Variants in PFKP observed in about 807,000 individuals in gnomAD.
The protein encoded by PFKP is ATP-dependent 6-phosphofructokinase, platelet type.
PFKP carries 101 observed loss-of-function variants against 94.3 expected under a neutral mutation model. The observed-to-expected ratio is 1.07, with a 90% CI of 0.91 to 1.26. PFKP has a LOEUF of 1.26. Ranked by LOEUF, PFKP falls within the 50% of genes most tolerant of loss-of-function variation. The pLI, the probability that PFKP is intolerant of heterozygous loss-of-function variation, is 0.00. For missense variants in PFKP, 1,145 were observed against 1,103.3 expected, an observed-to-expected ratio of 1.04 and a Z score of -0.53; for synonymous variants, 573 against 432.6, an observed-to-expected ratio of 1.32 and a Z score of -4.03.
chr10:3,084,104 G>A (rs961777512), intron 2 of PFKP, among the ~76,000 whole-genome samples: 12 of 152,164 alleles, frequency 7.9e-5, no homozygotes, highest in African/African-American at 2.2e-4. Flanking sequence ...TATTCAAAGC[G>A]ATTTGATGTT....
intron 1 of PFKP, 105 bp downstream of exon 1, chr10:3,067,812 G>T (rs952766776): frequency 2.0e-6 from 1 of 499,896 alleles, no homozygotes; most frequent in Admixed American, 4.1e-5. Flanking sequence ...GGAAGCGATG[G>T]GGGGGACCCG....
At position 3,099,956 on chromosome 10, in the gene PFKP, G is replaced by A. The variant is rs1347794353; in HGVS notation, c.264+604G>A. Among the ~76,000 whole-genome samples, 3 of 151,646 alleles carry A rather than the reference G, an allele frequency of 2.0e-5. No homozygotes were observed. The East Asian group carries it at 5.8e-4, about 29-fold the overall frequency. ...GAGTCTGAGTGTGTATGTGTGGTGT[G>A]CCCGTGTGTATGTGTTAACTGTGTG... On this transcript the variant is annotated intron_variant, in intron 3 of 21. Transcript: ENST00000381125.
rs111526922 is a variant in PFKP, at chr10:3,125,222, C to A, written c.1684-4597C>A. The A allele has an allele frequency of 7.4e-5, 99 of 1,341,196 alleles. No individual in the cohort carries two copies. In the African/African-American group the frequency reaches 7.9e-4, roughly 11 times the overall value. The allele number at this position is 1,341,196 out of a possible 1,614,324, so 83.1% of individuals were successfully genotyped here. The stretch of plus-strand genomic sequence containing the variant: ...CAGGCACAGAAATAAGCCTGGGCTC[C>A]GACACTGGCCTGAATGCTGTTGTTG... On this transcript the variant is annotated intron_variant, in intron 16 of 21. Coordinates refer to ENST00000381125, the MANE Select transcript of PFKP (RefSeq NM_002627.5).
chr10:3,086,249 T>C (rs1463952653), intron 2 of PFKP, among the ~76,000 whole-genome samples: 2 of 152,130 alleles, frequency 1.3e-5, no homozygotes, highest in African/African-American at 4.8e-5. Context: ...GTGTGTTGAG[T>C]GGAAGTTAGT....
intron 16 of PFKP, among the ~76,000 whole-genome samples, chr10:3,121,793 C>CTTTTTCTTTCTTTTTTT (rs1564339013): frequency 1.0e-5 from 1 of 96,878 alleles, no homozygotes; most frequent in Non-Finnish European, 2.0e-5. Flanking sequence ...TAAACAATTT[C>CTTTTTCTTTCTTTTTTT]TTTTTTTTTC....
Position 3,134,549 on chromosome 10 carries a change from A to C in PFKP, c.2089A>C (p.Ile697Leu). The part of the protein sequence containing the change: ...TKISARAMEW[I>L]TAKLKEARGR... Reference sequence around the variant, plus strand: ...AATCTCTGCCAGAGCTATGGAGTGGATCACTGCAAAACTCAAGGAGGCCCG... The same window carrying C: ...AATCTCTGCCAGAGCTATGGAGTGGCTCACTGCAAAACTCAAGGAGGCCCG... The change falls in exon 20 of 22, where the codon ATC becomes CTC. Residue 697 changes from isoleucine to leucine, a missense_variant. By Grantham distance (5) the Ile-to-Leu change is conservative (BLOSUM62 2). Coordinates refer to ENST00000381125, the MANE Select transcript of PFKP (RefSeq NM_002627.5). 1 of 1,613,978 alleles carries C rather than the reference A, an allele frequency of 6.2e-7. No homozygotes were observed. The highest frequency in any genetic ancestry group is 1.1e-5 in the South Asian group (1 of 91,076).
chr10:3,133,873 C>T (rs7911305), intron 19 of PFKP, among the ~76,000 whole-genome samples: 2,169 of 150,608 alleles, frequency 0.014, 53 homozygotes, highest in African/African-American at 0.049. Context: ...AATGCTTATT[C>T]AAATTAAACA....
chr10:3,086,877 G>C (rs1242727670), intron 2 of PFKP, among the ~76,000 whole-genome samples: 1 of 152,176 alleles, frequency 6.6e-6, no homozygotes, highest in Non-Finnish European at 1.5e-5. Flanking sequence ...GATGTCCTCA[G>C]ACCTGTGCCT....
chr10:3,116,698 C>A, intron 13 of PFKP, 78 bp from the exon 14 acceptor site: 1 of 1,075,488 alleles, frequency 9.3e-7, no homozygotes, highest in Non-Finnish European at 1.5e-6. Context: ...TTGAAAAGTA[C>A]AGAAAGCTAT....
chr10:3,119,167 TGAGTCCA>T (rs1407215494), intron 15 of PFKP, among the ~76,000 whole-genome samples: 1 of 152,196 alleles, frequency 6.6e-6, no homozygotes, highest in African/African-American at 2.4e-5. Context: ...TTCTATCTCT[TGAGTCCA>T]GAGTCCAGTG....
At chr10:3,134,819 GC>G (rs1214773661) in intron 20 of PFKP, among the ~76,000 whole-genome samples, 1 of 152,244 alleles carries the variant, frequency 6.6e-6, no homozygotes, top group Non-Finnish European at 1.5e-5. Context: ...GATGCAGTCT[GC>G]AGTTCTTTTG....
chr10:3,125,969 G>A (rs544694356), intron 16 of PFKP, among the ~76,000 whole-genome samples: 4 of 152,316 alleles, frequency 2.6e-5, no homozygotes, highest in African/African-American at 7.2e-5. Context: ...CACCTGGTGC[G>A]AGGGACCCAC....
chr10:3,116,966 G>A (rs1836895931), intron 14 of PFKP, 120 bp downstream of exon 14: 1 of 808,572 alleles, frequency 1.2e-6, no homozygotes. Context: ...CCCTAAGGGA[G>A]GGGTGCAGGC....
intron 19 of PFKP, among the ~76,000 whole-genome samples, chr10:3,133,915 AG>A (rs959387841): frequency 2.0e-5 from 3 of 152,232 alleles, no homozygotes; most frequent in African/African-American, 7.2e-5. Flanking sequence ...AGCTTCCCTA[AG>A]ATTTAAAATG....
rs199783845 is a variant in PFKP at position 3,135,117 on chromosome 10, C to CT, written c.2122+537dup. Among the ~76,000 whole-genome samples, 822 of 152,286 alleles carry CT rather than the reference C, an allele frequency of 5.4e-3. 2 individuals are homozygous for CT. Among genetic ancestry groups the CT allele is most frequent in the African/African-American group, 0.019 (782 of 41,550 alleles). On this transcript the variant is annotated intron_variant, in intron 20 of 21. Coordinates refer to ENST00000381125, the MANE Select transcript of PFKP (RefSeq NM_002627.5). ...AGAAACATGACTTTTTTATAATACT[C>CT]TTGTTAATGGCTCCAACATGGCTGT...
At chr10:3,125,948 C>T (rs1490063071) in intron 16 of PFKP, among the ~76,000 whole-genome samples, 2 of 152,326 alleles carry the variant, frequency 1.3e-5, no homozygotes, top group East Asian at 3.9e-4. Flanking sequence ...GGGTCACGTC[C>T]GTGACTTGGC....
At chr10:3,132,180 C>A (rs1299195398) in intron 17 of PFKP, among the ~76,000 whole-genome samples, 200 bp from the exon 18 acceptor site, 1 of 152,190 alleles carries the variant, frequency 6.6e-6, no homozygotes, top group Non-Finnish European at 1.5e-5. Context: ...CTCACCGTGC[C>A]CTGTCCTCAG....
intron 14 of PFKP, 150 bp downstream of exon 14, chr10:3,116,996 A>G (rs1836900765): frequency 1.4e-6 from 1 of 695,118 alleles, no homozygotes; most frequent in Admixed American, 2.2e-5. Context: ...TCCTCCCTCC[A>G]GTGGAACTGC....
intron 2 of PFKP, among the ~76,000 whole-genome samples, chr10:3,095,847 C>T (rs934147543): frequency 9.8e-5 from 15 of 152,298 alleles, no homozygotes; most frequent in African/African-American, 2.2e-4. Context: ...GTTCCATGGG[C>T]GTCGTGACTT....
Sources: gnomAD v4.1 joint callset for allele counts (sites outside exome capture counted in the v4.1 genomes callset) on GRCh38, gnomAD v4.1.1 for gene constraint, MANE v1.5 for transcripts, NCBI Gene and HGNC (gene_info 2026-07-23, HGNC 2026-07-21) for gene names.